LRRC4C: variants seen among roughly 807,000 people sequenced by gnomAD.
LRRC4C encodes leucine rich repeat containing 4C, also known as leucine-rich repeat-containing protein 4C.
Under a neutral mutation model 33.6 loss-of-function variants are expected in LRRC4C, and 5 were observed. The ratio of observed to expected loss-of-function variants is 0.15; its 90% CI spans 0.08 to 0.31. The LOEUF (loss-of-function observed/expected upper bound fraction) is 0.31. Ranked by LOEUF, LRRC4C falls within the 10% of genes least tolerant of loss-of-function variation. LRRC4C has a pLI of 1.00. For synonymous variants in LRRC4C, 329 were observed against 302.0 expected, an observed-to-expected ratio of 1.09 and a Z score of -0.93; for missense variants, 560 against 796.7, an observed-to-expected ratio of 0.70 and a Z score of 3.58.
At chr11:40,390,092 A>C (rs752416049) in intron 3 of LRRC4C, among the ~76,000 whole-genome samples, 1 of 152,214 alleles carries the variant, frequency 6.6e-6, no homozygotes, top group African/African-American at 2.4e-5. Context: ...CACAAGGCTA[A>C]AATATCCACT....
chr11:41,226,492 C>T (rs1245621062), intron 1 of LRRC4C, among the ~76,000 whole-genome samples: 2 of 152,072 alleles, frequency 1.3e-5, no homozygotes, highest in African/African-American at 4.8e-5. Context: ...CGTAAACTCC[C>T]CCAATGTCCT....
intron 3 of LRRC4C, among the ~76,000 whole-genome samples, chr11:40,577,850 T>G (rs1958262604): frequency 8.5e-6 from 1 of 118,038 alleles, no homozygotes; most frequent in Non-Finnish European, 1.8e-5. Flanking sequence ...TTTTTTTTTT[T>G]TTTGAGACGG....
intron 2 of LRRC4C, among the ~76,000 whole-genome samples, chr11:40,825,803 C>T (rs909462228): frequency 2.0e-5 from 3 of 148,658 alleles, no homozygotes; most frequent in African/African-American, 7.5e-5. Flanking sequence ...CTGGATGACA[C>T]AAAGATAGGA....
At chr11:41,146,986 A>C (rs2135941596) in intron 1 of LRRC4C, among the ~76,000 whole-genome samples, 1 of 152,374 alleles carries the variant, frequency 6.6e-6, no homozygotes, top group Admixed American at 6.5e-5. Context: ...ACTCTTAAAT[A>C]CTTTATTTTG....
intron 1 of LRRC4C, among the ~76,000 whole-genome samples, chr11:41,238,460 C>A (rs1485334334): frequency 6.6e-6 from 1 of 152,126 alleles, no homozygotes; most frequent in East Asian, 1.9e-4. Context: ...CTTGTATTTG[C>A]AGATGAAGAT....
At chr11:40,384,722 G>T (rs1949036524) in intron 3 of LRRC4C, among the ~76,000 whole-genome samples, 1 of 151,988 alleles carries the variant, frequency 6.6e-6, no homozygotes, top group Non-Finnish European at 1.5e-5. Context: ...ATCTCAATTG[G>T]TATTCTCCAC....
In LRRC4C at chr11:41,440,923, A is replaced by G. The variant is rs905388758; in HGVS notation, c.-496+18508T>C. On this transcript the variant is annotated intron_variant, in intron 1 of 6. Transcript: ENST00000528697. ...TGAATCAATCAAACTTCTTTTCTTT[A>G]TAAATTACCCAATCCCAGGTAGTAT... Among the ~76,000 whole-genome samples the G allele has an allele frequency of 2.6e-5, 4 of 152,102 alleles. No homozygotes were observed. In the East Asian group the frequency reaches 7.7e-4, roughly 29 times the overall value.
intron 1 of LRRC4C, among the ~76,000 whole-genome samples, chr11:41,082,559 G>A (rs778546861): frequency 1.8e-4 from 27 of 150,516 alleles, no homozygotes; most frequent in Non-Finnish European, 2.9e-4. Context: ...ACAATGACTT[G>A]AATAATAAAA....
intron 1 of LRRC4C, among the ~76,000 whole-genome samples, chr11:41,225,125 G>T (rs377331109): frequency 6.6e-6 from 1 of 152,124 alleles, no homozygotes; most frequent in Non-Finnish European, 1.5e-5. Context: ...GTTACCAGAG[G>T]TTGGGGAGGC....
chr11:40,950,908 T>C (rs1192352179), intron 1 of LRRC4C, among the ~76,000 whole-genome samples: 1 of 151,816 alleles, frequency 6.6e-6, no homozygotes, highest in Non-Finnish European at 1.5e-5. Flanking sequence ...TAAATATGAA[T>C]CTTGAGCATC....
rs116305080 is a variant in LRRC4C, at chr11:41,175,630, A to G, written c.-495-241907T>C. Among the ~76,000 whole-genome samples the G allele has an allele frequency of 9.6e-3, 1,461 of 152,276 alleles. 25 individuals carry two copies. Among genetic ancestry groups the G allele is most frequent in the African/African-American group, 0.033 (1,388 of 41,558 alleles). ...GCCACCCTTAACTTCAAGAGGGTGG[A>G]TAAATTCAACCTTACTATATGCTGA... On this transcript the variant is annotated intron_variant, in intron 1 of 6. Transcript: ENST00000528697.
rs569976619 is a variant in LRRC4C, at chr11:41,086,605, T to C, written c.-495-152882A>G. Among the ~76,000 whole-genome samples the C allele has an allele frequency of 5.9e-5, 9 of 152,292 alleles. No homozygotes were observed. The South Asian group carries it at 6.2e-4, about 11-fold the overall frequency. On this transcript the variant is annotated intron_variant, in intron 1 of 6. Transcript: ENST00000528697. ...GTTCAAATTATGATAAGAATAGCTA[T>C]ATTTTTAATATGAAAAGAGTTTTAA...
chr11:40,965,012 CCA>C (rs1851242715), intron 1 of LRRC4C, among the ~76,000 whole-genome samples: 2 of 152,116 alleles, frequency 1.3e-5, no homozygotes, highest in African/African-American at 4.8e-5. Context: ...TCCTATTTCT[CCA>C]CACCCTCTCC....
chr11:41,262,422 T>A (rs1301166146), intron 1 of LRRC4C, among the ~76,000 whole-genome samples: 113 of 121,022 alleles, frequency 9.3e-4, no homozygotes, highest in Middle Eastern at 4.6e-3. Flanking sequence ...AAAAAAAAAA[T>A]AGAAAAATAG....
chr11:40,358,561 A>G (rs1027808112), intron 3 of LRRC4C, among the ~76,000 whole-genome samples: 7 of 152,110 alleles, frequency 4.6e-5, no homozygotes, highest in African/African-American at 9.7e-5. Flanking sequence ...GATTACAGGT[A>G]TGAGTTACTG....
chr11:40,996,874 T>C (rs1376017653), intron 1 of LRRC4C, among the ~76,000 whole-genome samples: 1 of 152,082 alleles, frequency 6.6e-6, no homozygotes, highest in Non-Finnish European at 1.5e-5. Flanking sequence ...AGCACCAAAC[T>C]ATTCATGAGG....
intron 2 of LRRC4C, among the ~76,000 whole-genome samples, chr11:40,771,376 A>G (rs971137232): frequency 5.9e-5 from 9 of 152,292 alleles, no homozygotes; most frequent in African/African-American, 2.2e-4. Context: ...ACAGAACAGC[A>G]GAGGCCTGGG....
At chr11:41,406,749 C>CACAG (rs1392103423) in intron 1 of LRRC4C, among the ~76,000 whole-genome samples, 5 of 127,894 alleles carry the variant, frequency 3.9e-5, no homozygotes, top group Non-Finnish European at 7.6e-5. Context: ...CACACACACA[C>CACAG]ACGCACCCTT....
At chr11:41,267,823 G>A (rs1030729064) in intron 1 of LRRC4C, among the ~76,000 whole-genome samples, 2 of 152,048 alleles carry the variant, frequency 1.3e-5, no homozygotes, top group African/African-American at 2.4e-5. Flanking sequence ...GAACCGTAAG[G>A]ATAAAATGTC....
Sources: gnomAD v4.1 joint callset for allele counts (sites outside exome capture counted in the v4.1 genomes callset) on GRCh38, gnomAD v4.1.1 for gene constraint, MANE v1.5 for transcripts, NCBI Gene and HGNC (gene_info 2026-07-23, HGNC 2026-07-21) for gene names.